OTOG: variants seen among roughly 807,000 people sequenced by gnomAD.
The protein encoded by OTOG is otogelin.
In OTOG, 296 loss-of-function variants were observed where a neutral mutation model predicts 313.8. The observed-to-expected ratio is 0.94, with a 90% CI of 0.86 to 1.04. The LOEUF (loss-of-function observed/expected upper bound fraction) is 1.04, where lower values mean the gene tolerates loss of function less well. Among genes scored for constraint, OTOG ranks in the 50% least tolerant of loss-of-function variants. OTOG has a pLI of 0.00. For synonymous variants in OTOG, 1,533 were observed against 1,554.9 expected, an observed-to-expected ratio of 0.99 and a Z score of 0.33; for missense variants, 3,948 against 3,840.1, an observed-to-expected ratio of 1.03 and a Z score of -0.74.
At position 17,612,663 on chromosome 11, in the gene OTOG, T is replaced by C; in HGVS notation, c.6336T>C (p.Asp2112=). The C allele has an allele frequency of 2.6e-6, 4 of 1,550,610 alleles. No homozygotes were observed. The highest frequency in any genetic ancestry group is 3.5e-6 in the Non-Finnish European group (4 of 1,146,992). Residue 2112 remains aspartate, a synonymous_variant, in exon 38 of 56, where the codon GAT becomes GAC. Coordinates refer to ENST00000399397, the MANE Select transcript of OTOG (RefSeq NM_001292063.2). The stretch of plus-strand genomic sequence containing the variant: ...CTGACCTGAGCTTCGTGACCTTCGA[T>C]GGGAGCCACGTAGCTCTGTTCAAGG... ...IFPDLSFVTF[D]GSHVALFKEA... is the part of the protein sequence containing the mutation.
intron 7 of OTOG, among the ~76,000 whole-genome samples, 198 bp from the exon 8 acceptor site, chr11:17,556,920 C>A (rs1378039611): frequency 1.3e-5 from 2 of 152,170 alleles, no homozygotes; most frequent in African/African-American, 4.8e-5. Context: ...CAGGAAATTG[C>A]CGTCTTAAAA....
At chr11:17,561,196 G>C in intron 14 of OTOG, 59 bp downstream of exon 14, 1 of 1,538,736 alleles carries the variant, frequency 6.5e-7, no homozygotes, top group South Asian at 1.2e-5. Context: ...AGGTTTTGGG[G>C]CAAGGAATCT....
intron 22 of OTOG, 106 bp from the exon 23 acceptor site, chr11:17,578,267 A>C: frequency 1.4e-6 from 2 of 1,406,004 alleles, no homozygotes; most frequent in Non-Finnish European, 1.8e-6. Context: ...GGGAGGGAGG[A>C]GACTTCCGAG....
chr11:17,591,850 G>A (rs1000850915), intron 25 of OTOG, among the ~76,000 whole-genome samples: 3 of 152,192 alleles, frequency 2.0e-5, no homozygotes, highest in Non-Finnish European at 4.4e-5. Flanking sequence ...GTCTATAATA[G>A]CAAGAGCTAA....
intron 30 of OTOG, 75 bp from the exon 31 acceptor site, chr11:17,599,596 T>C: frequency 1.3e-6 from 2 of 1,499,642 alleles, no homozygotes; most frequent in Non-Finnish European, 9.1e-7. Flanking sequence ...GCTGGGATGC[T>C]GGGAGCCTTG....
At chr11:17,638,035 G>C (rs60504216) in intron 47 of OTOG, among the ~76,000 whole-genome samples, 2 of 152,160 alleles carry the variant, frequency 1.3e-5, no homozygotes, top group Non-Finnish European at 2.9e-5. Context: ...CTGCAGGGTA[G>C]CATCAGCTGA....
Position 17,634,239 on chromosome 11 carries a change from C to G in OTOG, c.7438C>G (p.Leu2480Val), listed in dbSNP as rs1456054863. The G allele has an allele frequency of 6.4e-7, 1 of 1,550,526 alleles. No homozygotes were observed. The highest frequency in any genetic ancestry group is 1.4e-5 in the African/African-American group (1 of 73,162). Residue 2480 changes from leucine to valine, a missense_variant, in exon 44 of 56, where the codon CTC becomes GTC. Physicochemically the swap from Leu to Val is conservative, Grantham distance 32. Coordinates refer to ENST00000399397, the MANE Select transcript of OTOG (RefSeq NM_001292063.2). ...CCTGCGATTCGGGGAGGTGGCCTTG[C>G]TCCTACCCACCAAGGACCCCTGCTG... is the stretch of plus-strand genomic sequence containing the variant. ...SCLRFGEVAL[L>V]LPTKDPCCLG...
intron 30 of OTOG, among the ~76,000 whole-genome samples, chr11:17,597,623 T>C (rs369000897): frequency 6.6e-6 from 1 of 152,234 alleles, no homozygotes; most frequent in African/African-American, 2.4e-5. Flanking sequence ...TACATAGATA[T>C]GCATCCATAG....
intron 39 of OTOG, among the ~76,000 whole-genome samples, chr11:17,614,322 G>A (rs772664534): frequency 2.0e-5 from 3 of 152,190 alleles, no homozygotes; most frequent in Non-Finnish European, 4.4e-5. Flanking sequence ...ACAGGGTGCG[G>A]CACATTTGTG....
intron 38 of OTOG, among the ~76,000 whole-genome samples, chr11:17,613,239 CTT>C (rs1565118947): frequency 2.2e-4 from 29 of 132,676 alleles, no homozygotes; most frequent in African/African-American, 8.4e-4. Context: ...TTCTTTCTTT[CTT>C]TCTTTCTTTC....
intron 6 of OTOG, among the ~76,000 whole-genome samples, chr11:17,554,490 C>T (rs951867275): frequency 1.3e-5 from 2 of 152,230 alleles, no homozygotes; most frequent in Non-Finnish European, 2.9e-5. Flanking sequence ...CAGCTCAATA[C>T]CCCTCCACCT....
intron 46 of OTOG, among the ~76,000 whole-genome samples, chr11:17,635,403 C>T (rs1854240777): frequency 6.6e-6 from 1 of 152,156 alleles, no homozygotes; most frequent in Non-Finnish European, 1.5e-5. Context: ...GAAACTGGTG[C>T]TTGTTCTGTG....
Position 17,574,707 on chromosome 11 carries a change from C to A in OTOG, c.2294-13C>A. On this transcript the variant is annotated splice_polypyrimidine_tract_variant and intron_variant, in intron 19 of 55. Coordinates refer to ENST00000399397, the MANE Select transcript of OTOG (RefSeq NM_001292063.2). ...AGGGAGACAAAGCATGCACCACTCC[C>A]CCCTCACTGCAGCACTGTCCTGTGA... 1.3e-6 allele frequency: 2 copies of A among 1,547,660 alleles called. No individual in the cohort carries two copies. Among genetic ancestry groups the A allele is most frequent in the Non-Finnish European group, 1.7e-6 (2 of 1,145,324 alleles).
chr11:17,618,518 G>A lies in OTOG; in HGVS notation c.6528+4817G>A, dbSNP rs143933368. ...GTCCGAGAATATGCTCTAAGTAAGT[G>A]TGTATTTTATTATTGGGTGGAGTGT... On this transcript the variant is annotated intron_variant, in intron 39 of 55. Coordinates refer to ENST00000399397, the MANE Select transcript of OTOG (RefSeq NM_001292063.2). Among the ~76,000 whole-genome samples the A allele has an allele frequency of 5.2e-3, 797 of 152,272 alleles. 6 individuals carry two copies. The highest frequency in any genetic ancestry group is 0.018 in the African/African-American group (748 of 41,564).
intron 24 of OTOG, 141 bp downstream of exon 24, chr11:17,586,722 A>T (rs963533757): frequency 7.6e-5 from 35 of 463,156 alleles, no homozygotes; most frequent in Non-Finnish European, 1.0e-4. Flanking sequence ...TGTGTGGTAT[A>T]GGGGTTTGTG....
At chr11:17,566,823 C>G (rs11605447) in intron 15 of OTOG, among the ~76,000 whole-genome samples, 4,026 of 152,308 alleles carry the variant, frequency 0.026, 80 homozygotes, top group South Asian at 0.085. Flanking sequence ...AACACCTTTC[C>G]TCCCACTCTC....
chr11:17,604,110 C>A (rs1052127391), intron 32 of OTOG, among the ~76,000 whole-genome samples: 2 of 152,174 alleles, frequency 1.3e-5, no homozygotes, highest in African/African-American at 2.4e-5. Flanking sequence ...TAGTGACAGG[C>A]GCCAGCCGTT....
intron 31 of OTOG, 128 bp downstream of exon 31, chr11:17,599,825 G>A: frequency 1.8e-6 from 2 of 1,122,148 alleles, no homozygotes; most frequent in Non-Finnish European, 2.6e-6. Context: ...GAATGGGAGG[G>A]CCCCCATCAT....
At chr11:17,601,419 A>G (rs1048526055) in intron 31 of OTOG, among the ~76,000 whole-genome samples, 6 of 151,610 alleles carry the variant, frequency 4.0e-5, no homozygotes, top group African/African-American at 1.5e-4. Flanking sequence ...GAGCTGGGAA[A>G]TAACACCACT....
Sources: gnomAD v4.1 joint callset for allele counts (sites outside exome capture counted in the v4.1 genomes callset) on GRCh38, gnomAD v4.1.1 for gene constraint, MANE v1.5 for transcripts, NCBI Gene and HGNC (gene_info 2026-07-23, HGNC 2026-07-21) for gene names.